The following CSMD1 variants were observed in gnomAD, a reference collection of about 807,000 sequenced individuals.
The protein encoded by CSMD1 is CUB and Sushi multiple domains 1.
In CSMD1, 213 loss-of-function variants were observed where a neutral mutation model predicts 417.5. That is an observed-to-expected ratio of 0.51 (90% CI 0.46 to 0.57). The LOEUF (loss-of-function observed/expected upper bound fraction) is 0.57. CSMD1 is among the 20% of genes least tolerant of loss of function. CSMD1 has a pLI of 0.00. For synonymous variants in CSMD1, 2,862 were observed against 1,736.8 expected (o/e 1.65, Z -16.11); for missense variants, 6,923 against 4,529.7 (o/e 1.53, Z -15.17).
intron 2 of CSMD1, among the ~76,000 whole-genome samples, chr8:4,463,221 T>C (rs1474562316): frequency 6.6e-6 from 1 of 152,078 alleles, no homozygotes; most frequent in Non-Finnish European, 1.5e-5. Flanking sequence ...GAAATGCAAA[T>C]CAAAGACGTA....
chr8:4,712,563 G>C (rs187916299), intron 1 of CSMD1, among the ~76,000 whole-genome samples: 14 of 152,310 alleles, frequency 9.2e-5, no homozygotes, highest in Admixed American at 6.5e-4. Flanking sequence ...AAATAGAAGA[G>C]AACAGAAAGA....
chr8:3,786,202 T>C (rs1340269951), intron 5 of CSMD1, among the ~76,000 whole-genome samples: 2 of 152,050 alleles, frequency 1.3e-5, no homozygotes, highest in Admixed American at 6.6e-5. Context: ...TCCCCTGTTA[T>C]TTTGGGCACG....
intron 5 of CSMD1, among the ~76,000 whole-genome samples, chr8:3,789,333 A>G (rs2623677): frequency 0.082 from 12,344 of 150,206 alleles, 720 homozygotes; most frequent in East Asian, 0.25. Flanking sequence ...AGACTAATAC[A>G]GAGAATAATG....
At chr8:3,685,488 C>T (rs1799899739) in intron 7 of CSMD1, among the ~76,000 whole-genome samples, 1 of 152,098 alleles carries the variant, frequency 6.6e-6, no homozygotes, top group Non-Finnish European at 1.5e-5. Context: ...GATGGGAGCT[C>T]AGACTCAAAT....
intron 2 of CSMD1, among the ~76,000 whole-genome samples, chr8:4,550,579 A>G (rs1797825770): frequency 6.6e-6 from 1 of 152,208 alleles, no homozygotes; most frequent in Non-Finnish European, 1.5e-5. Context: ...TTTAAAAACC[A>G]GAAAACACAA....
chr8:4,310,807 C>G (rs1165499247), intron 3 of CSMD1, among the ~76,000 whole-genome samples: 1 of 152,134 alleles, frequency 6.6e-6, no homozygotes, highest in Non-Finnish European at 1.5e-5. Flanking sequence ...CACATTAGAT[C>G]TCACCTTTGC....
chr8:4,142,455 T>C (rs998980114), intron 3 of CSMD1, among the ~76,000 whole-genome samples: 1 of 151,220 alleles, frequency 6.6e-6, no homozygotes, highest in African/African-American at 2.5e-5. Flanking sequence ...TCTACTCCTC[T>C]GAGAATAATC....
intron 1 of CSMD1, among the ~76,000 whole-genome samples, chr8:4,793,848 A>G (rs57110784): frequency 0.064 from 9,677 of 151,562 alleles, 487 homozygotes; most frequent in East Asian, 0.25. Flanking sequence ...AAAAAAAAAA[A>G]AAAAACTCCT....
intron 3 of CSMD1, among the ~76,000 whole-genome samples, chr8:4,329,490 G>A (rs548182173): frequency 1.1e-4 from 16 of 152,188 alleles, no homozygotes; most frequent in African/African-American, 1.7e-4. Flanking sequence ...ATTTCACCAC[G>A]TTGGCCAGGC....
In CSMD1 at chr8:4,648,580, A is replaced by C. The variant is rs184387725; in HGVS notation, c.86-11022T>G. Among the ~76,000 whole-genome samples the C allele has an allele frequency of 2.3e-3, 351 of 152,160 alleles. 4 individuals are homozygous for C. Among genetic ancestry groups the C allele is most frequent in the African/African-American group, 8.2e-3 (340 of 41,506 alleles). Reference sequence around the variant, plus strand: ...GGTTTAGTGTCTATCTGCACAAAAAATGTGATTTTTTTTTGCACAGTGGCT... The same window carrying C: ...GGTTTAGTGTCTATCTGCACAAAAACTGTGATTTTTTTTTGCACAGTGGCT... On this transcript the variant is annotated intron_variant, in intron 1 of 69. Transcript: ENST00000635120.
chr8:3,787,665 T>C (rs1356730879), intron 5 of CSMD1, among the ~76,000 whole-genome samples: 3 of 152,192 alleles, frequency 2.0e-5, no homozygotes, highest in African/African-American at 4.8e-5. Flanking sequence ...TAATATAATT[T>C]AGTATTGTTT....
At chr8:4,134,400 G>C (rs1358524718) in intron 3 of CSMD1, among the ~76,000 whole-genome samples, 7 of 152,118 alleles carry the variant, frequency 4.6e-5, no homozygotes, top group African/African-American at 1.4e-4. Context: ...AGGCACAAAG[G>C]GATGACCTTT....
chr8:4,224,179 C>T (rs1301458570), intron 3 of CSMD1, among the ~76,000 whole-genome samples: 1 of 151,914 alleles, frequency 6.6e-6, no homozygotes. Flanking sequence ...AAACTATAGA[C>T]AAGTGAAAGT....
intron 27 of CSMD1, among the ~76,000 whole-genome samples, chr8:3,229,680 T>C (rs745926455): frequency 3.3e-5 from 5 of 152,180 alleles, no homozygotes; most frequent in Non-Finnish European, 7.3e-5. Flanking sequence ...AGGTTTTGCT[T>C]AAGGGCATGT....
chr8:3,697,935 T>C (rs911235156), intron 7 of CSMD1, among the ~76,000 whole-genome samples: 5 of 152,200 alleles, frequency 3.3e-5, no homozygotes, highest in African/African-American at 9.6e-5. Flanking sequence ...TATTCTTTAA[T>C]TGTATGCTGA....
At position 3,204,286 on chromosome 8, in the gene CSMD1, A is replaced by G. The variant is rs1258279742; in HGVS notation, c.4984+1218T>C. Among the ~76,000 whole-genome samples, 6 of 152,208 alleles carry G rather than the reference A, an allele frequency of 3.9e-5. No homozygotes were observed. In the East Asian group the frequency reaches 1.2e-3, roughly 29 times the overall value. ...TGACAATAATATTTTGTATTTAACT[A>G]AAATCATAGAATATGGCTGCTAAAT... is the stretch of plus-strand genomic sequence containing the variant. On this transcript the variant is annotated intron_variant, in intron 31 of 69. Transcript: ENST00000635120.
intron 2 of CSMD1, among the ~76,000 whole-genome samples, chr8:4,588,379 A>G (rs1447829083): frequency 1.6e-5 from 1 of 61,720 alleles, no homozygotes; most frequent in Non-Finnish European, 3.7e-5. Flanking sequence ...AGAGACAGAG[A>G]TAAAGAACTA....
intron 3 of CSMD1, among the ~76,000 whole-genome samples, chr8:4,112,302 A>G (rs1801898991): frequency 6.6e-6 from 1 of 152,154 alleles, no homozygotes; most frequent in South Asian, 2.1e-4. Flanking sequence ...GCTCCCGCAC[A>G]TTTACACAGA....
chr8:4,790,903 A>G (rs1361864802), intron 1 of CSMD1, among the ~76,000 whole-genome samples: 1 of 152,220 alleles, frequency 6.6e-6, no homozygotes, highest in Non-Finnish European at 1.5e-5. Context: ...AGGAAATACC[A>G]TTTTGGACCT....
Sources: gnomAD v4.1 joint callset for allele counts (sites outside exome capture counted in the v4.1 genomes callset) on GRCh38, gnomAD v4.1.1 for gene constraint, MANE v1.5 for transcripts, NCBI Gene and HGNC (gene_info 2026-07-23, HGNC 2026-07-21) for gene names.